TBCK: variants seen among roughly 807,000 people sequenced by gnomAD.
TBCK encodes the protein TBC domain-containing protein kinase-like protein.
In TBCK, 99 loss-of-function variants were observed where a neutral mutation model predicts 113.4. That is an observed-to-expected ratio of 0.87 (90% CI 0.74 to 1.03). The LOEUF (loss-of-function observed/expected upper bound fraction) is 1.03. Among genes scored for constraint, TBCK ranks in the 50% least tolerant of loss-of-function variants. The pLI is 0.00. For synonymous variants in TBCK, 369 were observed against 370.8 expected (o/e 1.00, Z 0.05); for missense variants, 1,045 against 1,061.3 (o/e 0.98, Z 0.21).
intron 20 of TBCK, among the ~76,000 whole-genome samples, chr4:106,201,943 T>C (rs943261313): frequency 5.3e-5 from 8 of 152,062 alleles, no homozygotes; most frequent in African/African-American, 1.9e-4. Context: ...GAAACATATA[T>C]ACAGACATTC....
chr4:106,244,785 G>A lies in TBCK; in HGVS notation c.932-21C>T, dbSNP rs188716999. 4.9e-4 allele frequency: 707 copies of A among 1,441,158 alleles called. 4 individuals carry two copies. The African/African-American group carries it at 8.3e-3, about 17-fold the overall frequency. 89.3% of individuals were successfully genotyped at this position (1,441,158 alleles called of 1,614,324 possible). On this transcript the variant is annotated intron_variant, in intron 10 of 25. Transcript: ENST00000394708. ...TATATCTATTAAAAGCAAATTTAAG[G>A]AATCATTGTATTATATTTTCTACTT...
chr4:106,120,667 CG>C (rs564722485), intron 23 of TBCK, among the ~76,000 whole-genome samples: 95 of 152,332 alleles, frequency 6.2e-4, no homozygotes, highest in African/African-American at 2.1e-3. Flanking sequence ...CCCTGACCCC[CG>C]AGCAGCCTAA....
intron 25 of TBCK, among the ~76,000 whole-genome samples, chr4:106,093,597 T>C (rs75070379): frequency 0.019 from 2,844 of 152,266 alleles, 261 homozygotes; most frequent in Admixed American, 0.14. Flanking sequence ...TTATGATCAA[T>C]AGTCTTAAAG....
intron 20 of TBCK, among the ~76,000 whole-genome samples, chr4:106,210,115 G>C (rs1322305846): frequency 1.3e-5 from 2 of 151,936 alleles, no homozygotes; most frequent in Non-Finnish European, 2.9e-5. Flanking sequence ...TTTCAAATAT[G>C]TTTGTATAAA....
Position 106,065,972 on chromosome 4 carries a change from G to A in TBCK, c.2572-19292C>T, listed in dbSNP as rs1026737361. On this transcript the variant is annotated intron_variant, in intron 25 of 25. Coordinates refer to ENST00000394708, the MANE Select transcript of TBCK (RefSeq NM_001163435.3). ...TCTGATGTATTTAATGTGGAAGCAG[G>A]GCCAAATACAAATACAAAAGGGGAA... 8.6e-5 allele frequency among the ~76,000 whole-genome samples: 13 copies of A among 151,882 alleles called. No homozygotes were observed. In the East Asian group the frequency reaches 2.5e-3, roughly 29 times the overall value.
At chr4:106,116,994 A>G (rs1449811281) in intron 23 of TBCK, among the ~76,000 whole-genome samples, 2 of 151,970 alleles carry the variant, frequency 1.3e-5, no homozygotes, top group African/African-American at 4.8e-5. Context: ...TCTCAAACCC[A>G]GTCCATGGAA....
chr4:106,131,105 TAGTG>T (rs1430477138), intron 23 of TBCK, among the ~76,000 whole-genome samples: 1 of 152,150 alleles, frequency 6.6e-6, no homozygotes, highest in Non-Finnish European at 1.5e-5. Flanking sequence ...GTTCTCATGG[TAGTG>T]AGTAAGTCTC....
chr4:106,242,715 T>A (rs1004100522), intron 11 of TBCK, 146 bp from the exon 12 acceptor site: 42 of 495,670 alleles, frequency 8.5e-5, no homozygotes, highest in African/African-American at 1.6e-4. Flanking sequence ...AATGTTTTTT[T>A]AATTATTATT....
intron 3 of TBCK, among the ~76,000 whole-genome samples, chr4:106,288,688 C>T (rs1361736830): frequency 2.6e-5 from 4 of 152,168 alleles, no homozygotes; most frequent in Non-Finnish European, 5.9e-5. Context: ...TAAGGTTAAT[C>T]CACATGTTGT....
At position 106,043,736 on chromosome 4, in the gene TBCK, A is replaced by AGTGTGTGTGTGT. The variant is rs56842619; in HGVS notation, c.*2822_*2833dup. 1 of 149,044 alleles carries AGTGTGTGTGTGT rather than the reference A, an allele frequency of 6.7e-6. No individual in the cohort carries two copies. Among genetic ancestry groups the AGTGTGTGTGTGT allele is most frequent in the African/African-American group, 2.5e-5 (1 of 40,470 alleles). 9.2% of individuals were successfully genotyped at this position (149,044 alleles called of 1,614,324 possible). On this transcript the variant is annotated 3_prime_UTR_variant, in exon 26 of 26. Coordinates refer to ENST00000394708, the MANE Select transcript of TBCK (RefSeq NM_001163435.3). Reference sequence around the variant, plus strand: ...GTTAATAAGTGTGTTTATGAATGTGAGTGTGTGTGTGTGTGTGTGTGTATG... The same window carrying AGTGTGTGTGTGT: ...GTTAATAAGTGTGTTTATGAATGTGAGTGTGTGTGTGTGTGTGTGTGTGTGTGTGTGTGTATG...
intron 19 of TBCK, among the ~76,000 whole-genome samples, chr4:106,226,394 G>A (rs1758248443): frequency 6.6e-6 from 1 of 152,168 alleles, no homozygotes; most frequent in South Asian, 2.1e-4. Flanking sequence ...TGGCCATCTA[G>A]CCAGGTATCA....
intron 23 of TBCK, among the ~76,000 whole-genome samples, chr4:106,161,993 A>C (rs1749858071): frequency 6.6e-6 from 1 of 152,146 alleles, no homozygotes; most frequent in Non-Finnish European, 1.5e-5. Flanking sequence ...GGGTTAACTC[A>C]AAAGTCCACA....
At chr4:106,095,356 A>G in intron 25 of TBCK, 126 bp downstream of exon 25, 1 of 821,278 alleles carries the variant, frequency 1.2e-6, no homozygotes, top group Non-Finnish European at 1.8e-6. Flanking sequence ...AAGAACACAG[A>G]CAAATCTTCA....
At chr4:106,064,681 TTAA>T (rs1184186100) in intron 25 of TBCK, among the ~76,000 whole-genome samples, 1 of 151,978 alleles carries the variant, frequency 6.6e-6, no homozygotes, top group African/African-American at 2.4e-5. Flanking sequence ...CTAGATATAG[TTAA>T]TAATTAATTT....
Position 106,302,229 on chromosome 4 carries a change from C to A in TBCK, c.193+6539G>T, listed in dbSNP as rs182604541. ...GAGGGCTGCTGAAATACAGGAGTAG[C>A]AGGGCAGGTCAGGGAAGCAGAGTAA... is the stretch of plus-strand genomic sequence containing the variant. On this transcript the variant is annotated intron_variant, in intron 2 of 25. Transcript: ENST00000394708. Among the ~76,000 whole-genome samples, 8 of 152,118 alleles carry A rather than the reference C, an allele frequency of 5.3e-5. 1 individual carries two copies. The highest frequency in any genetic ancestry group is 5.2e-4 in the Admixed American group (8 of 15,272).
Position 106,236,497 on chromosome 4 carries a change from T to C in TBCK, c.1243A>G (p.Asn415Asp). 1 of 1,565,168 alleles carries C rather than the reference T, an allele frequency of 6.4e-7. No homozygotes were observed. The highest frequency in any genetic ancestry group is 8.7e-7 in the Non-Finnish European group (1 of 1,155,802). Residue 415 changes from asparagine (N) to aspartate (D), a missense_variant, in exon 14 of 26, where the codon AAC becomes GAC. Physicochemically the swap from Asn to Asp is conservative, Grantham distance 23. Transcript: ENST00000394708. Reference protein sequence around the residue: ...EDDQSNLPHSNSNNELSAAAT... With the variant: ...EDDQSNLPHSDSNNELSAAAT... ...GCTGCAGACAACTCATTATTGCTGT[T>C]TGAATGAGGTAAATTAGACTGGCTG...
upstream of TBCK, chr4:106,316,442 A>T: frequency 8.9e-7 from 1 of 1,128,212 alleles, no homozygotes. Context: ...GCACAGGAAG[A>T]GGAAGAAAGA....
chr4:106,194,568 A>T (rs1754005841), intron 21 of TBCK, 150 bp downstream of exon 21: 1 of 558,586 alleles, frequency 1.8e-6, no homozygotes, highest in Non-Finnish European at 3.1e-6. Context: ...AACAACTGAA[A>T]TTCTTTTCTA....
chr4:106,238,116 G>C (rs1478172442), intron 12 of TBCK, among the ~76,000 whole-genome samples: 1 of 151,824 alleles, frequency 6.6e-6, no homozygotes, highest in African/African-American at 2.4e-5. Flanking sequence ...CATTTAACTT[G>C]GATTATATTT....
Sources: allele counts gnomAD v4.1 joint callset (sites outside exome capture counted in the v4.1 genomes callset), GRCh38; gene constraint gnomAD v4.1.1; transcripts MANE v1.5; gene names NCBI Gene and HGNC (gene_info 2026-07-23, HGNC 2026-07-21).